The following TRMT9B variants were observed in gnomAD, a reference collection of about 807,000 sequenced individuals.
The protein encoded by TRMT9B is probable tRNA methyltransferase 9B.
TRMT9B carries 16 observed loss-of-function variants against 11.5 expected under a neutral mutation model. The observed-to-expected ratio is 1.39, with a 90% CI of 0.94 to 2.11. TRMT9B has a LOEUF of 2.11. Ranked by LOEUF, TRMT9B falls within the 30% of genes most tolerant of loss-of-function variation. The probability of loss-of-function intolerance (pLI) is 0.00; values close to 1 mark genes in which losing one functional copy is unlikely to be tolerated. For missense variants in TRMT9B, 941 were observed against 553.8 expected, an observed-to-expected ratio of 1.70 and a Z score of -7.02; for synonymous variants, 274 against 192.4, an observed-to-expected ratio of 1.42 and a Z score of -3.51.
At chr8:13,018,305 G>A (rs1334468560) in intron 4 of TRMT9B, among the ~76,000 whole-genome samples, 2 of 150,004 alleles carry the variant, frequency 1.3e-5, no homozygotes, top group Non-Finnish European at 3.0e-5. Flanking sequence ...AGGAGGCTGA[G>A]AGAGGAGAAT....
chr8:12,953,132 C>G (rs2128857369), intron 1 of TRMT9B, among the ~76,000 whole-genome samples: 1 of 152,250 alleles, frequency 6.6e-6, no homozygotes. Flanking sequence ...CGTCTACTTG[C>G]AGAGCTTTAT....
chr8:12,977,693 C>G (rs543376100), intron 1 of TRMT9B, among the ~76,000 whole-genome samples: 5 of 152,112 alleles, frequency 3.3e-5, no homozygotes, highest in Non-Finnish European at 7.4e-5. Context: ...GAGCAAGACT[C>G]TGTCTCAAAA....
intron 1 of TRMT9B, among the ~76,000 whole-genome samples, chr8:12,956,284 T>C (rs1360820659): frequency 2.0e-5 from 3 of 152,190 alleles, no homozygotes; most frequent in Non-Finnish European, 4.4e-5. Flanking sequence ...GCTAGAGTAT[T>C]TATTTTTAAA....
chr8:12,993,767 C>A (rs1013153319), intron 2 of TRMT9B, among the ~76,000 whole-genome samples: 1 of 152,240 alleles, frequency 6.6e-6, no homozygotes, highest in East Asian at 1.9e-4. Context: ...ATCTCTTTCA[C>A]TGTGGCCCCC....
rs953826047 is a variant in TRMT9B, at chr8:13,023,452, T to C, written c.*1408T>C. 3.0e-5 allele frequency: 5 copies of C among 167,090 alleles called. 1 individual carries two copies. Among genetic ancestry groups the C allele is most frequent in the Non-Finnish European group, 7.3e-5 (5 of 68,126 alleles). The allele number at this position is 167,090 out of a possible 1,614,324, so 10.4% of individuals were successfully genotyped here. A position where few individuals can be genotyped will look rare whatever the true frequency, so the allele number is the denominator to read the frequency against. ...AGAATCAACTTCTACTGATTACAGG[T>C]TGAATTTCTGTCACTTTGTAGAGAA... On this transcript the variant is annotated 3_prime_UTR_variant, in exon 5 of 5. Transcript: ENST00000524591.
At chr8:13,012,054 C>T (rs1294035201) in intron 3 of TRMT9B, 44 of 985,228 alleles carry the variant, frequency 4.5e-5, no homozygotes, top group Non-Finnish European at 4.9e-5. Flanking sequence ...CGTGGTCTCT[C>T]GGATACTAGA....
intron 2 of TRMT9B, among the ~76,000 whole-genome samples, chr8:13,003,087 A>G (rs1019617754): frequency 2.0e-5 from 3 of 152,154 alleles, no homozygotes; most frequent in Non-Finnish European, 4.4e-5. Flanking sequence ...TCAGTATTAA[A>G]TAAGACAACT....
intron 3 of TRMT9B, chr8:13,010,404 C>T: frequency 9.2e-6 from 9 of 983,364 alleles, no homozygotes; most frequent in Non-Finnish European, 1.1e-5. Context: ...GGTAATATGA[C>T]TGTCCTCTAA....
At position 12,977,276 on chromosome 8, in the gene TRMT9B, A is replaced by C. The variant is rs537912052; in HGVS notation, c.-199-13558A>C. On this transcript the variant is annotated intron_variant, in intron 1 of 4. Transcript: ENST00000524591. ...TGGAGCACTCAGCAGTGCCAATCAC[A>C]AGATCAGCCTGGAGAGGAGAGGAAT... 4.7e-4 allele frequency among the ~76,000 whole-genome samples: 72 copies of C among 152,292 alleles called. 2 individuals carry two copies. In the South Asian group the frequency reaches 0.012, roughly 26 times the overall value.
In TRMT9B at chr8:12,961,217, C is replaced by T. The variant is rs114259767; in HGVS notation, c.-200+15251C>T. Among the ~76,000 whole-genome samples, 1,215 of 152,192 alleles carry T rather than the reference C, an allele frequency of 8.0e-3. 16 individuals are homozygous for T. Among genetic ancestry groups the T allele is most frequent in the African/African-American group, 0.027 (1,117 of 41,512 alleles). On this transcript the variant is annotated intron_variant, in intron 1 of 4. Coordinates refer to ENST00000524591, the MANE Select transcript of TRMT9B (RefSeq NM_020844.3). Reference sequence around the variant, plus strand: ...ATGTGACATTATGCATTTGGCAAAACACAAAGAACTGTCTAATACAAAGAG... The same window carrying T: ...ATGTGACATTATGCATTTGGCAAAATACAAAGAACTGTCTAATACAAAGAG...
chr8:13,017,226 A>G (rs1021260396), intron 4 of TRMT9B, among the ~76,000 whole-genome samples: 1 of 150,854 alleles, frequency 6.6e-6, no homozygotes. Flanking sequence ...AAGTTTAGAG[A>G]GGCGAGGCAT....
At chr8:12,950,676 T>C (rs957703515) in intron 1 of TRMT9B, among the ~76,000 whole-genome samples, 1 of 152,154 alleles carries the variant, frequency 6.6e-6, no homozygotes, top group African/African-American at 2.4e-5. Flanking sequence ...CCCAATATAC[T>C]GTGGCACTAG....
In TRMT9B at chr8:13,027,148, C is replaced by T. The variant is rs1814782773; in HGVS notation, c.*5104C>T. On this transcript the variant is annotated 3_prime_UTR_variant, in exon 5 of 5. Transcript: ENST00000524591. ...CACTCCATTTGTTTACTAAGCCCTG[C>T]TGTGTGCTGGATACACAGTCTGCTG... 6.0e-6 allele frequency: 1 copy of T among 167,038 alleles called. No individual in the cohort carries two copies. Among genetic ancestry groups the T allele is most frequent in the African/African-American group, 2.4e-5 (1 of 41,428 alleles). 10.3% of individuals were successfully genotyped at this position (167,038 alleles called of 1,614,324 possible). A position where few individuals can be genotyped will look rare whatever the true frequency, so the allele number is the denominator to read the frequency against.
At position 13,015,830 on chromosome 8, in the gene TRMT9B, A is replaced by G. The variant is rs550225695; in HGVS notation, c.328+2973A>G. Among the ~76,000 whole-genome samples, 82 of 152,248 alleles carry G rather than the reference A, an allele frequency of 5.4e-4. 1 individual carries two copies. The Middle Eastern group carries it at 0.014, about 25-fold the overall frequency. ...CTTGCCCTCAGAGAAAATGGAGCAC[A>G]CCTAGTTACCATCTTCGAATTAAAA... On this transcript the variant is annotated intron_variant, in intron 4 of 4. Coordinates refer to ENST00000524591, the MANE Select transcript of TRMT9B (RefSeq NM_020844.3).
At chr8:12,963,489 C>T (rs186566208) in intron 1 of TRMT9B, among the ~76,000 whole-genome samples, 60 of 152,098 alleles carry the variant, frequency 3.9e-4, no homozygotes, top group African/African-American at 1.4e-3. Flanking sequence ...GTGGCTCATG[C>T]CTGTAATCCT....
At chr8:12,962,002 G>C (rs1802182573) in intron 1 of TRMT9B, 1 of 152,398 alleles carries the variant, frequency 6.6e-6, no homozygotes, top group East Asian at 1.9e-4. Context: ...TCCATTAACA[G>C]ACACACCTGA....
At chr8:13,015,271 G>A (rs935216159) in intron 4 of TRMT9B, among the ~76,000 whole-genome samples, 1 of 151,058 alleles carries the variant, frequency 6.6e-6, no homozygotes, top group African/African-American at 2.4e-5. Context: ...TAGATGTCTT[G>A]TTACATCTTG....
chr8:12,959,516 C>CTCTTTTTTTTTTTTTTTTTTTTTTTTT (rs757156112), intron 1 of TRMT9B, among the ~76,000 whole-genome samples: 1 of 74,896 alleles, frequency 1.3e-5, no homozygotes, highest in African/African-American at 5.0e-5. Context: ...TTTTTCCTTC[C>CTCTTTTTTTTTTTTTTTTTTTTTTTTT]TTTTTTTTTT....
intron 1 of TRMT9B, among the ~76,000 whole-genome samples, chr8:12,947,591 A>G (rs1354543573): frequency 2.6e-5 from 4 of 152,264 alleles, no homozygotes; most frequent in Non-Finnish European, 4.4e-5. Flanking sequence ...GCTTATGGCA[A>G]CACATGCATA....
Sources: gnomAD v4.1 joint callset for allele counts (sites outside exome capture counted in the v4.1 genomes callset) on GRCh38, gnomAD v4.1.1 for gene constraint, MANE v1.5 for transcripts, NCBI Gene and HGNC (gene_info 2026-07-23, HGNC 2026-07-21) for gene names.